Variants in NRXN3 observed in about 807,000 individuals in gnomAD.
The protein encoded by NRXN3 is neurexin III.
NRXN3 carries 32 observed loss-of-function variants against 137.6 expected under a neutral mutation model. The ratio of observed to expected loss-of-function variants is 0.23; its 90% CI spans 0.18 to 0.31. NRXN3 has a LOEUF of 0.31. NRXN3 is among the 10% of genes least tolerant of loss of function. The pLI is 1.00. For missense variants in NRXN3, 1,574 were observed against 2,062.5 expected, an observed-to-expected ratio of 0.76 and a Z score of 4.59; for synonymous variants, 798 against 784.5, an observed-to-expected ratio of 1.02 and a Z score of -0.29.
At chr14:79,596,480 A>C (rs572413631) in intron 16 of NRXN3, among the ~76,000 whole-genome samples, 87 of 152,330 alleles carry the variant, frequency 5.7e-4, no homozygotes, top group African/African-American at 2.1e-3. Context: ...GTAAGAGTTA[A>C]AGAAACAGGA....
At chr14:79,112,242 G>A (rs74066650) in intron 15 of NRXN3, among the ~76,000 whole-genome samples, 106 of 152,298 alleles carry the variant, frequency 7.0e-4, no homozygotes, top group African/African-American at 2.5e-3. Context: ...CTCTGGAGCT[G>A]TAGGCCTCTC....
At chr14:78,949,804 ATATT>A (rs1417914032) in intron 10 of NRXN3, among the ~76,000 whole-genome samples, 5 of 152,296 alleles carry the variant, frequency 3.3e-5, no homozygotes, top group South Asian at 4.1e-4. Context: ...TTAAAGCAAA[ATATT>A]AATTAATATT....
intron 15 of NRXN3, among the ~76,000 whole-genome samples, chr14:79,037,145 T>G (rs2099617427): frequency 6.6e-6 from 1 of 152,084 alleles, no homozygotes; most frequent in Non-Finnish European, 1.5e-5. Context: ...CAGACTCTTA[T>G]GTAAAACCCC....
At chr14:79,521,170 T>A (rs1391275288) in intron 16 of NRXN3, among the ~76,000 whole-genome samples, 1 of 152,194 alleles carries the variant, frequency 6.6e-6, no homozygotes, top group Non-Finnish European at 1.5e-5. Flanking sequence ...TATCTAATTA[T>A]GTGATAGATA....
intron 20 of NRXN3, 51 bp downstream of exon 20, chr14:79,805,241 A>C (rs777893852): frequency 1.2e-4 from 152 of 1,289,300 alleles, no homozygotes; most frequent in Non-Finnish European, 1.7e-4. Context: ...TTTTGCAAAA[A>C]ACAATACATA....
chr14:79,788,420 G>A (rs2099135600), intron 19 of NRXN3, among the ~76,000 whole-genome samples: 3 of 152,162 alleles, frequency 2.0e-5, no homozygotes, highest in Admixed American at 6.5e-5. Context: ...TCTGGTCCAG[G>A]AGTATAGTAA....
intron 4 of NRXN3, among the ~76,000 whole-genome samples, chr14:78,543,480 G>A (rs2153821857): frequency 6.6e-6 from 1 of 151,928 alleles, no homozygotes; most frequent in Admixed American, 6.6e-5. Context: ...GTGCTCCTTG[G>A]GGTCTCAGGT....
At chr14:79,098,042 G>A (rs1352365030) in intron 15 of NRXN3, among the ~76,000 whole-genome samples, 2 of 152,204 alleles carry the variant, frequency 1.3e-5, no homozygotes, top group African/African-American at 4.8e-5. Flanking sequence ...CTCCTGGGAT[G>A]CTGCCTAAAC....
chr14:79,776,184 T>C (rs2099096601), intron 19 of NRXN3, among the ~76,000 whole-genome samples: 1 of 152,208 alleles, frequency 6.6e-6, no homozygotes, highest in Non-Finnish European at 1.5e-5. Context: ...TATGGTGATG[T>C]ATTTATTCTG....
chr14:79,562,603 T>C (rs1488999923), intron 16 of NRXN3, among the ~76,000 whole-genome samples: 2 of 152,198 alleles, frequency 1.3e-5, no homozygotes, highest in East Asian at 3.8e-4. Context: ...TATTAGTTCC[T>C]GTCTAATTAC....
chr14:79,504,674 T>TATATATATATATAAATATA (rs1464757508), intron 16 of NRXN3, among the ~76,000 whole-genome samples: 1 of 143,464 alleles, frequency 7.0e-6, no homozygotes, highest in African/African-American at 2.6e-5. Context: ...TATATATATA[T>TATATATATATATAAATATA]AAAACATTAC....
chr14:79,667,319 T>C (rs2098565813), intron 17 of NRXN3, among the ~76,000 whole-genome samples: 1 of 152,088 alleles, frequency 6.6e-6, no homozygotes, highest in Non-Finnish European at 1.5e-5. Flanking sequence ...GTTTAAACAG[T>C]AAAGACATAC....
intron 14 of NRXN3, among the ~76,000 whole-genome samples, chr14:78,970,481 A>G (rs1598052611): frequency 6.6e-6 from 1 of 152,168 alleles, no homozygotes; most frequent in South Asian, 2.1e-4. Flanking sequence ...ACATGCATTT[A>G]AAGTGCTCAA....
At chr14:78,721,825 A>T (rs1222245068) in intron 8 of NRXN3, among the ~76,000 whole-genome samples, 1 of 152,112 alleles carries the variant, frequency 6.6e-6, no homozygotes, top group Non-Finnish European at 1.5e-5. Context: ...ATTCATTTAC[A>T]TAAATCAAAC....
intron 6 of NRXN3, among the ~76,000 whole-genome samples, chr14:78,681,162 T>A (rs917225177): frequency 5.3e-5 from 8 of 152,326 alleles, no homozygotes; most frequent in Admixed American, 5.2e-4. Flanking sequence ...GGGGCTTATG[T>A]CACATTCTAA....
chr14:79,722,404 A>G (rs990478912), intron 19 of NRXN3, among the ~76,000 whole-genome samples: 1 of 152,122 alleles, frequency 6.6e-6, no homozygotes, highest in Non-Finnish European at 1.5e-5. Flanking sequence ...TCATGCCATC[A>G]TGCCTGTCTT....
chr14:79,697,296 C>G (rs2154029225), intron 18 of NRXN3, among the ~76,000 whole-genome samples: 1 of 152,034 alleles, frequency 6.6e-6, no homozygotes, highest in Non-Finnish European at 1.5e-5. Context: ...TTCTGGTCAT[C>G]ACCTGATTTG....
At position 78,709,292 on chromosome 14, in the gene NRXN3, T is replaced by C; in HGVS notation, c.1297T>C (p.Tyr433His). The C allele has an allele frequency of 1.2e-6, 2 of 1,614,174 alleles. No individual in the cohort carries two copies. The highest frequency in any genetic ancestry group is 8.5e-7 in the Non-Finnish European group (1 of 1,180,018). The change falls in exon 7 of 21, where the codon TAT becomes CAT. Residue 433 changes from tyrosine (Y) to histidine (H), a missense_variant. Tyr to His is a moderately conservative substitution (Grantham distance 83, BLOSUM62 2). Coordinates refer to ENST00000335750, the MANE Select transcript of NRXN3 (RefSeq NM_001330195.2). ...GATTGCGGACACCAAGATGAAAATC[T>C]ATGGCGAAGTTGTGTTTAAGTGTGA... is the stretch of plus-strand genomic sequence containing the variant. ...ARIADTKMKI[Y>H]GEVVFKCENV...
chr14:79,119,147 T>G (rs1289150086), intron 15 of NRXN3, among the ~76,000 whole-genome samples: 7 of 152,208 alleles, frequency 4.6e-5, no homozygotes, highest in Non-Finnish European at 7.4e-5. Context: ...TCTCATAACA[T>G]TTCAAATACC....
Sources: allele counts gnomAD v4.1 joint callset (sites outside exome capture counted in the v4.1 genomes callset), GRCh38; gene constraint gnomAD v4.1.1; transcripts MANE v1.5; gene names NCBI Gene and HGNC (gene_info 2026-07-23, HGNC 2026-07-21).